The following GLI2 variants were observed in gnomAD, a reference collection of about 807,000 sequenced individuals.
GLI2 encodes the protein transcription activator GLI2.
In GLI2, 22 loss-of-function variants were observed where a neutral mutation model predicts 78.9. The ratio of observed to expected loss-of-function variants is 0.28; its 90% CI spans 0.20 to 0.40. GLI2 has a LOEUF of 0.40. Among genes scored for constraint, GLI2 ranks in the 10% least tolerant of loss-of-function variants. The probability of loss-of-function intolerance (pLI) is 1.00; values close to 1 mark genes in which losing one functional copy is unlikely to be tolerated. For synonymous variants in GLI2, 974 were observed against 963.7 expected (o/e 1.01, Z -0.20); for missense variants, 2,097 against 2,213.2 (o/e 0.95, Z 1.05).
At chr2:120,827,905 A>G (rs951664715) in intron 2 of GLI2, among the ~76,000 whole-genome samples, 1 of 152,222 alleles carries the variant, frequency 6.6e-6, no homozygotes, top group African/African-American at 2.4e-5. Flanking sequence ...TTCATGTTGA[A>G]TGGGTGCAGA....
chr2:120,756,380 GTTTA>G (rs1242005054), intron 1 of GLI2, among the ~76,000 whole-genome samples: 3 of 152,008 alleles, frequency 2.0e-5, no homozygotes, highest in Non-Finnish European at 2.9e-5. Context: ...AATATAATTG[GTTTA>G]TTTATATTGC....
chr2:120,969,023 G>A (rs781117822), intron 6 of GLI2, 108 bp downstream of exon 6: 18 of 777,882 alleles, frequency 2.3e-5, no homozygotes, highest in African/African-American at 3.4e-5. Context: ...AGAAAGACAG[G>A]ACCTGTGGCA....
rs765146239 is a variant in GLI2, at chr2:120,988,939, C to T, written c.2974C>T (p.Leu992=). The T allele has an allele frequency of 6.5e-7, 1 of 1,531,790 alleles. No homozygotes were observed. Among genetic ancestry groups the T allele is most frequent in the Non-Finnish European group, 8.7e-7 (1 of 1,143,728 alleles). 94.9% of individuals were successfully genotyped at this position (1,531,790 alleles called of 1,614,324 possible). Residue 992 remains leucine, a synonymous_variant, in exon 14 of 14, where the codon CTG becomes TTG. Transcript: ENST00000361492. ...CTGTGCCGACAGGCGAGGCCTCCGCCTGCAGAGCCACCCGAGCACCGACGG... is the reference window on the plus strand; with the variant it reads ...CTGTGCCGACAGGCGAGGCCTCCGCTTGCAGAGCCACCCGAGCACCGACGG... ...PPCADRRGLR[L]QSHPSTDGGL...
chr2:120,857,999 C>A (rs748178938), intron 2 of GLI2, among the ~76,000 whole-genome samples: 1 of 152,112 alleles, frequency 6.6e-6, no homozygotes, highest in South Asian at 2.1e-4. Context: ...TTTTGTGGGT[C>A]GATGGAAAGG....
intron 2 of GLI2, among the ~76,000 whole-genome samples, chr2:120,883,575 T>C (rs995976426): frequency 6.6e-6 from 1 of 152,184 alleles, no homozygotes; most frequent in African/African-American, 2.4e-5. Context: ...CAGGTATTTG[T>C]AGAGCATTTG....
At chr2:120,881,716 G>A (rs200911201) in intron 2 of GLI2, among the ~76,000 whole-genome samples, 46 of 16,588 alleles carry the variant, frequency 2.8e-3, no homozygotes, top group Admixed American at 4.0e-3. Context: ...TGGGGAGAGG[G>A]CAGGTGGGGG....
intron 2 of GLI2, among the ~76,000 whole-genome samples, chr2:120,804,844 G>T (rs1355400022): frequency 6.6e-6 from 1 of 152,198 alleles, no homozygotes; most frequent in Admixed American, 6.5e-5. Flanking sequence ...GGGAGCATGA[G>T]GTTGGAGACT....
At chr2:120,797,719 G>GGGAGGAGAGAGAGGGA (rs1558801242) in intron 2 of GLI2, among the ~76,000 whole-genome samples, 1 of 152,056 alleles carries the variant, frequency 6.6e-6, no homozygotes, top group African/African-American at 2.4e-5. Context: ...CCTGAGTACT[G>GGGAGGAGAGAGAGGGA]GGAGGGGAGA....
intron 1 of GLI2, among the ~76,000 whole-genome samples, chr2:120,743,197 C>T (rs1682600003): frequency 6.6e-6 from 1 of 152,150 alleles, no homozygotes; most frequent in South Asian, 2.1e-4. Context: ...GCTTTGGGGA[C>T]CAAGGAAGGC....
intron 2 of GLI2, among the ~76,000 whole-genome samples, chr2:120,841,094 G>A (rs1041021379): frequency 3.3e-5 from 5 of 152,186 alleles, no homozygotes; most frequent in African/African-American, 1.2e-4. Context: ...AAGTCGCTAC[G>A]CTGTTGTTTT....
At chr2:120,834,194 ATTCACAC>A (rs1375791454) in intron 2 of GLI2, among the ~76,000 whole-genome samples, 4 of 152,170 alleles carry the variant, frequency 2.6e-5, no homozygotes, top group Admixed American at 6.5e-5. Context: ...ATGATTTGTT[ATTCACAC>A]TTCCCAGTGG....
intron 5 of GLI2, among the ~76,000 whole-genome samples, chr2:120,966,006 T>A (rs2105004616): frequency 6.6e-6 from 1 of 152,352 alleles, no homozygotes; most frequent in Admixed American, 6.5e-5. Context: ...TAAGCCCCAG[T>A]CTTCATAGCC....
intron 2 of GLI2, among the ~76,000 whole-genome samples, chr2:120,828,130 C>T (rs1451175825): frequency 6.6e-6 from 1 of 152,232 alleles, no homozygotes; most frequent in Non-Finnish European, 1.5e-5. Context: ...CTAAAGCTTC[C>T]GTGAACCTTG....
intron 2 of GLI2, among the ~76,000 whole-genome samples, chr2:120,832,398 A>G (rs1686407099): frequency 6.6e-6 from 1 of 152,182 alleles, no homozygotes; most frequent in Non-Finnish European, 1.5e-5. Context: ...GGGTGGCACC[A>G]GGCTGACCCG....
intron 11 of GLI2, 105 bp downstream of exon 11, chr2:120,982,985 C>T (rs900251855): frequency 2.1e-5 from 22 of 1,047,228 alleles, no homozygotes; most frequent in Admixed American, 4.1e-5. Flanking sequence ...CCCCATGTCC[C>T]GCCCCCGCCA....
At position 120,886,487 on chromosome 2, in the gene GLI2, G is replaced by A. The variant is rs534813202; in HGVS notation, c.149-40874G>A. Among the ~76,000 whole-genome samples the A allele has an allele frequency of 6.6e-5, 10 of 152,164 alleles. No individual in the cohort carries two copies. In the South Asian group the frequency reaches 2.1e-3, roughly 32 times the overall value. ...TCATTATTTTGCCCAGGCTGATCTCGAACTCCTGGACTCAAGTGATACTCC... is the reference window on the plus strand; with the variant it reads ...TCATTATTTTGCCCAGGCTGATCTCAAACTCCTGGACTCAAGTGATACTCC... On this transcript the variant is annotated intron_variant, in intron 2 of 13. Transcript: ENST00000361492.
At chr2:120,776,397 G>T (rs533603630) in intron 1 of GLI2, among the ~76,000 whole-genome samples, 1 of 152,294 alleles carries the variant, frequency 6.6e-6, no homozygotes, top group Admixed American at 6.5e-5. Context: ...GAGGTCCAGG[G>T]TGTGCTGAGT....
intron 5 of GLI2, among the ~76,000 whole-genome samples, chr2:120,959,591 A>G (rs1681442442): frequency 6.6e-6 from 1 of 152,184 alleles, no homozygotes; most frequent in South Asian, 2.1e-4. Context: ...GTGGACGGTT[A>G]CTCACGTATG....
At chr2:120,906,360 C>T (rs1678533536) in intron 2 of GLI2, among the ~76,000 whole-genome samples, 1 of 152,194 alleles carries the variant, frequency 6.6e-6, no homozygotes, top group Non-Finnish European at 1.5e-5. Context: ...TTCACCCTCT[C>T]CTGCCCTGGA....
Sources: gnomAD v4.1 joint callset for allele counts (sites outside exome capture counted in the v4.1 genomes callset) on GRCh38, gnomAD v4.1.1 for gene constraint, MANE v1.5 for transcripts, NCBI Gene and HGNC (gene_info 2026-07-23, HGNC 2026-07-21) for gene names.